SS18L2: variants seen among roughly 807,000 people sequenced by gnomAD.
SS18L2 encodes SS18-like protein 2.
SS18L2 carries 8 observed loss-of-function variants against 10.3 expected under a neutral mutation model. That is an observed-to-expected ratio of 0.78 (90% CI 0.46 to 1.41). SS18L2 has a LOEUF of 1.41. Among genes scored for constraint, SS18L2 ranks in the 40% most tolerant of loss-of-function variants. The probability of loss-of-function intolerance (pLI) is 0.00; values close to 1 mark genes in which losing one functional copy is unlikely to be tolerated. For synonymous variants in SS18L2, 41 were observed against 34.6 expected (o/e 1.19, Z -0.65); for missense variants, 100 against 96.2 (o/e 1.04, Z -0.17).
rs1705006359 is a variant in SS18L2 at position 42,595,629 on chromosome 3, C to A, written c.*1120C>A. Reference sequence around the variant, plus strand: ...TTTTCTAATTTATCATTCTTTCTGACTTTATTAGCTGTATTCTATAAAAAA... The same window carrying A: ...TTTTCTAATTTATCATTCTTTCTGAATTTATTAGCTGTATTCTATAAAAAA... On this transcript the variant is annotated 3_prime_UTR_variant, in exon 3 of 3. Coordinates refer to ENST00000011691, the MANE Select transcript of SS18L2 (RefSeq NM_001370300.1). Among the ~76,000 whole-genome samples, 1 of 152,176 alleles carries A rather than the reference C, an allele frequency of 6.6e-6. No individual in the cohort carries two copies. Among genetic ancestry groups the A allele is most frequent in the Admixed American group, 6.5e-5 (1 of 15,276 alleles).
At chr3:42,590,043 A>C (rs1704763915), upstream of SS18L2, among the ~76,000 whole-genome samples, 1 of 152,248 alleles carries the variant, frequency 6.6e-6, no homozygotes, top group Admixed American at 6.5e-5. Context: ...CAAGTTACTT[A>C]ACCTGTTTCG....
chr3:42,593,534 G>A (rs1002280057), intron 2 of SS18L2, among the ~76,000 whole-genome samples: 1 of 152,116 alleles, frequency 6.6e-6, no homozygotes, highest in Non-Finnish European at 1.5e-5. Flanking sequence ...TGATATCTAA[G>A]GGGAGGAGGG....
rs1476776258 is a variant in SS18L2, at chr3:42,596,737, TAGAA to T, written c.*2231_*2234del. ...ATAATCTTTGAGAGAGGCAGAACCTTAGAAAGGAGATATTTTATCTCATTTATTT... is the reference window on the plus strand; with the variant it reads ...ATAATCTTTGAGAGAGGCAGAACCTTAGGAGATATTTTATCTCATTTATTT... On this transcript the variant is annotated 3_prime_UTR_variant, in exon 3 of 3. Transcript: ENST00000011691. Among the ~76,000 whole-genome samples the T allele has an allele frequency of 3.9e-5, 6 of 152,218 alleles. No individual in the cohort carries two copies. The highest frequency in any genetic ancestry group is 8.8e-5 in the Non-Finnish European group (6 of 68,042).
At chr3:42,593,540 G>C (rs768631599) in intron 2 of SS18L2, among the ~76,000 whole-genome samples, 6 of 152,148 alleles carry the variant, frequency 3.9e-5, no homozygotes, top group Non-Finnish European at 5.9e-5. Context: ...CTAAGGGGAG[G>C]AGGGAGGTGT....
chr3:42,587,941 T>G (rs993335764), upstream of SS18L2, among the ~76,000 whole-genome samples: 9 of 149,204 alleles, frequency 6.0e-5, no homozygotes, highest in Non-Finnish European at 1.0e-4. Flanking sequence ...GGCGTGGTGG[T>G]GCATGCCTGT....
intron 2 of SS18L2, among the ~76,000 whole-genome samples, chr3:42,591,966 T>C (rs2125740722): frequency 6.6e-6 from 1 of 152,266 alleles, no homozygotes; most frequent in Non-Finnish European, 1.5e-5. Flanking sequence ...TCATCCTTTC[T>C]CTGTTAAGTG....
chr3:42,588,990 C>G (rs1204985856), upstream of SS18L2, among the ~76,000 whole-genome samples: 1 of 152,052 alleles, frequency 6.6e-6, no homozygotes. Flanking sequence ...GCAGGCCGGG[C>G]ACAGTAGCTC....
At chr3:42,587,109 G>T (rs1208652836), upstream of SS18L2, among the ~76,000 whole-genome samples, 1 of 152,156 alleles carries the variant, frequency 6.6e-6, no homozygotes, top group South Asian at 2.1e-4. Flanking sequence ...CATGCTTGTA[G>T]CAGCCTTGTC....
At chr3:42,584,468 T>C (rs984978176) in intron 1 of SS18L2, among the ~76,000 whole-genome samples, 12 of 152,076 alleles carry the variant, frequency 7.9e-5, no homozygotes, top group African/African-American at 2.9e-4. Context: ...ATTGGCCAGT[T>C]TGGTCTCGAA....
chr3:42,593,991 AG>A (rs760859825), intron 2 of SS18L2, among the ~76,000 whole-genome samples: 4 of 152,196 alleles, frequency 2.6e-5, no homozygotes, highest in Non-Finnish European at 5.9e-5. Flanking sequence ...GTGAGATCAG[AG>A]GGGGACTGGA....
chr3:42,592,201 TTC>T (rs1403558935), intron 2 of SS18L2, among the ~76,000 whole-genome samples: 1 of 152,090 alleles, frequency 6.6e-6, no homozygotes, highest in Non-Finnish European at 1.5e-5. Context: ...TTTTTTTCTT[TTC>T]TTTTTTTTTT....
intron 2 of SS18L2, among the ~76,000 whole-genome samples, chr3:42,593,893 C>T (rs1403815130): frequency 6.6e-6 from 1 of 152,060 alleles, no homozygotes; most frequent in Non-Finnish European, 1.5e-5. Context: ...TGGAAAAGCC[C>T]CCTAGTAGGA....
chr3:42,589,922 G>A (rs1268638364), upstream of SS18L2, among the ~76,000 whole-genome samples: 1 of 152,146 alleles, frequency 6.6e-6, no homozygotes, highest in African/African-American at 2.4e-5. Flanking sequence ...TGCATCTTGC[G>A]GCACAACACC....
chr3:42,589,830 T>C (rs1419299954), upstream of SS18L2, among the ~76,000 whole-genome samples: 1 of 152,158 alleles, frequency 6.6e-6, no homozygotes, highest in Non-Finnish European at 1.5e-5. Flanking sequence ...GGACCACTGG[T>C]CTAGAAGACT....
chr3:42,590,674 G>C (rs1173414762), upstream of SS18L2: 2 of 602,726 alleles, frequency 3.3e-6, no homozygotes, highest in Non-Finnish European at 5.9e-6. Context: ...CACAAGTTTC[G>C]CTCTCCAGAC....
chr3:42,585,476 C>T (rs897519487), intron 1 of SS18L2, among the ~76,000 whole-genome samples: 1 of 152,226 alleles, frequency 6.6e-6, no homozygotes, highest in African/African-American at 2.4e-5. Flanking sequence ...ATCTGTCCTT[C>T]TGCTATTCTC....
At position 42,596,180 on chromosome 3, in the gene SS18L2, C is replaced by G. The variant is rs1705024029; in HGVS notation, c.*1671C>G. 6.6e-6 allele frequency among the ~76,000 whole-genome samples: 1 copy of G among 152,010 alleles called. No homozygotes were observed. The highest frequency in any genetic ancestry group is 1.5e-5 in the Non-Finnish European group (1 of 67,994). Reference sequence around the variant, plus strand: ...GGGATTACAGGCATGTGGCACCATGCCTGGCTAATTTTGGTATTTTTAGTA... The same window carrying G: ...GGGATTACAGGCATGTGGCACCATGGCTGGCTAATTTTGGTATTTTTAGTA... On this transcript the variant is annotated 3_prime_UTR_variant, in exon 3 of 3. Transcript: ENST00000011691.
chr3:42,585,883 C>G (rs1427468561), upstream of SS18L2, among the ~76,000 whole-genome samples: 1 of 152,080 alleles, frequency 6.6e-6, no homozygotes, highest in African/African-American at 2.4e-5. Flanking sequence ...CTCTCCAGCT[C>G]TCCCCCAAAA....
chr3:42,587,084 A>C (rs1459716185), upstream of SS18L2, among the ~76,000 whole-genome samples: 1 of 152,024 alleles, frequency 6.6e-6, no homozygotes, highest in Non-Finnish European at 1.5e-5. Flanking sequence ...CATTGCTCCC[A>C]CTATCTCTGG....
Sources: gnomAD v4.1 joint callset for allele counts (sites outside exome capture counted in the v4.1 genomes callset) on GRCh38, gnomAD v4.1.1 for gene constraint, MANE v1.5 for transcripts, NCBI Gene and HGNC (gene_info 2026-07-23, HGNC 2026-07-21) for gene names.